Variants in GABRG2 observed in about 807,000 individuals in gnomAD.
GABRG2 encodes gamma-aminobutyric acid receptor subunit gamma-2.
In GABRG2, 16 loss-of-function variants were observed where a neutral mutation model predicts 56.4. That is an observed-to-expected ratio of 0.28 (90% CI 0.19 to 0.43). GABRG2 has a LOEUF of 0.43. Among genes scored for constraint, GABRG2 ranks in the 20% least tolerant of loss-of-function variants. The pLI is 1.00. For synonymous variants in GABRG2, 208 were observed against 205.5 expected, an observed-to-expected ratio of 1.01 and a Z score of -0.10; for missense variants, 327 against 582.7, an observed-to-expected ratio of 0.56 and a Z score of 4.52.
At chr5:162,084,949 CT>C (rs1759948343) in intron 1 of GABRG2, among the ~76,000 whole-genome samples, 1 of 151,544 alleles carries the variant, frequency 6.6e-6, no homozygotes, top group African/African-American at 2.4e-5. Flanking sequence ...TGTATAAGTT[CT>C]ACCATTTGAT....
intron 6 of GABRG2, among the ~76,000 whole-genome samples, chr5:162,141,011 A>G (rs1480560724): frequency 6.6e-6 from 1 of 152,052 alleles, no homozygotes; most frequent in Non-Finnish European, 1.5e-5. Flanking sequence ...TGGATTATTT[A>G]CATACATTTT....
intron 6 of GABRG2, among the ~76,000 whole-genome samples, chr5:162,110,990 T>C (rs771773973): frequency 1.3e-5 from 2 of 152,134 alleles, no homozygotes; most frequent in African/African-American, 4.8e-5. Flanking sequence ...AAGTTCCTTA[T>C]CTATAAAAGG....
intron 6 of GABRG2, among the ~76,000 whole-genome samples, chr5:162,125,486 T>C (rs1763281312): frequency 6.9e-6 from 1 of 144,814 alleles, no homozygotes; most frequent in Non-Finnish European, 1.5e-5. Flanking sequence ...GATAGCAGCT[T>C]CACTTTAAGG....
intron 6 of GABRG2, among the ~76,000 whole-genome samples, chr5:162,119,967 C>T (rs1762874865): frequency 6.6e-6 from 1 of 152,208 alleles, no homozygotes; most frequent in Admixed American, 6.5e-5. Flanking sequence ...CTCTTCCTGG[C>T]ATTTGGAATG....
At chr5:162,099,510 G>A (rs368660967) in intron 4 of GABRG2, 1 of 152,018 alleles carries the variant, frequency 6.6e-6, no homozygotes, top group Admixed American at 6.6e-5. Context: ...AGGTTCAAGC[G>A]GTCCTCAACT....
chr5:162,095,402 G>T lies in GABRG2; in HGVS notation c.260-93G>T, dbSNP rs1760924010. The T allele has an allele frequency of 1.5e-5, 12 of 776,064 alleles. No individual in the cohort carries two copies. The East Asian group carries it at 3.2e-4, about 21-fold the overall frequency. 48.1% of individuals were successfully genotyped at this position (776,064 alleles called of 1,614,324 possible). ...TAGTTGTGAATAAATTACTTCTAAT[G>T]TAGCTAAATAAATCTATTCTAGAAA... On this transcript the variant is annotated intron_variant, in intron 2 of 9. Transcript: ENST00000639213.
intron 1 of GABRG2, among the ~76,000 whole-genome samples, chr5:162,075,627 A>G (rs957139746): frequency 6.6e-6 from 1 of 152,090 alleles, no homozygotes; most frequent in Non-Finnish European, 1.5e-5. Flanking sequence ...TTCAATAATT[A>G]TATGCTTAAT....
At chr5:162,085,107 A>G (rs1221955765) in intron 1 of GABRG2, among the ~76,000 whole-genome samples, 2 of 151,976 alleles carry the variant, frequency 1.3e-5, no homozygotes, top group Admixed American at 6.6e-5. Flanking sequence ...TCAATATTGT[A>G]TGTAGTGATA....
chr5:162,102,453 C>T (rs939522080), intron 5 of GABRG2: 7 of 452,496 alleles, frequency 1.5e-5, no homozygotes, highest in Non-Finnish European at 2.6e-5. Flanking sequence ...TTTAATATTA[C>T]TCATTGCTAT....
chr5:162,073,989 C>T (rs866221224), intron 1 of GABRG2, among the ~76,000 whole-genome samples: 1 of 151,860 alleles, frequency 6.6e-6, no homozygotes, highest in South Asian at 2.1e-4. Flanking sequence ...AGTCACCCCC[C>T]GGCTTTTTTT....
chr5:162,106,594 T>G (rs1761845882), intron 6 of GABRG2, among the ~76,000 whole-genome samples: 1 of 152,218 alleles, frequency 6.6e-6, no homozygotes, highest in African/African-American at 2.4e-5. Flanking sequence ...TGGGAAATTA[T>G]CAGGAGATCA....
chr5:162,124,162 T>C lies in GABRG2; in HGVS notation c.770-18002T>C, dbSNP rs199655356. On this transcript the variant is annotated intron_variant, in intron 6 of 9. Transcript: ENST00000639213. The stretch of plus-strand genomic sequence containing the variant: ...AAAAGGGGCATTTAGGCCAGGATAG[T>C]AGTATAAATAAAGGCTATATGGCGG... Among the ~76,000 whole-genome samples the C allele has an allele frequency of 6.6e-5, 10 of 151,968 alleles. No individual in the cohort carries two copies. The East Asian group carries it at 1.8e-3, about 27-fold the overall frequency.
chr5:162,149,689 C>T, intron 8 of GABRG2: 1 of 528,332 alleles, frequency 1.9e-6, no homozygotes, highest in Non-Finnish European at 3.7e-6. Flanking sequence ...TCTCGGCTTA[C>T]TGCAACCTCT....
intron 6 of GABRG2, among the ~76,000 whole-genome samples, chr5:162,124,718 A>C (rs1184191749): frequency 1.3e-5 from 2 of 151,882 alleles, no homozygotes; most frequent in East Asian, 3.9e-4. Flanking sequence ...CTGCATTTAG[A>C]ATCTCAAAAA....
chr5:162,140,734 A>G (rs925613974), intron 6 of GABRG2, among the ~76,000 whole-genome samples: 1 of 152,228 alleles, frequency 6.6e-6, no homozygotes, highest in Non-Finnish European at 1.5e-5. Flanking sequence ...TGCAGATACA[A>G]TATTTGAAAC....
intron 1 of GABRG2, among the ~76,000 whole-genome samples, chr5:162,073,341 T>C (rs532089181): frequency 1.3e-5 from 2 of 152,094 alleles, no homozygotes; most frequent in East Asian, 3.9e-4. Context: ...AGAATATATA[T>C]TTCCTCATTG....
chr5:162,095,462 T>C (rs764629622), intron 2 of GABRG2, 33 bp from the exon 3 acceptor site: 1 of 1,327,086 alleles, frequency 7.5e-7, no homozygotes. Context: ...TGCACCTCTC[T>C]ATGTGCACAC....
chr5:162,103,181 T>C (rs1315784299), intron 5 of GABRG2: 1 of 153,672 alleles, frequency 6.5e-6, no homozygotes, highest in Non-Finnish European at 1.4e-5. Context: ...AGGAAAAATA[T>C]ACACTTGTCC....
chr5:162,096,033 T>A (rs913118356), intron 3 of GABRG2, among the ~76,000 whole-genome samples: 1 of 151,780 alleles, frequency 6.6e-6, no homozygotes, highest in Non-Finnish European at 1.5e-5. Flanking sequence ...TAATAGAGAA[T>A]GTAAAATAGA....
Sources: gnomAD v4.1 joint callset for allele counts (sites outside exome capture counted in the v4.1 genomes callset) on GRCh38, gnomAD v4.1.1 for gene constraint, MANE v1.5 for transcripts, NCBI Gene and HGNC (gene_info 2026-07-23, HGNC 2026-07-21) for gene names.